Variants in MTSS2 observed in about 807,000 individuals in gnomAD.
The protein encoded by MTSS2 is protein MTSS 2.
Under a neutral mutation model 67.1 loss-of-function variants are expected in MTSS2, and 27 were observed. The observed-to-expected ratio is 0.40, with a 90% confidence interval of 0.30 to 0.55. The LOEUF (loss-of-function observed/expected upper bound fraction) is 0.55. MTSS2 is among the 20% of genes least tolerant of loss of function. The probability of loss-of-function intolerance (pLI) is 0.43; values close to 1 mark genes in which losing one functional copy is unlikely to be tolerated. For synonymous variants in MTSS2, 624 were observed against 468.6 expected (o/e 1.33, Z -4.28); for missense variants, 1,171 against 1,067.8 (o/e 1.10, Z -1.35).
chr16:70,680,254 C>T (rs2053261029), intron 3 of MTSS2, among the ~76,000 whole-genome samples, 199 bp from the exon 4 acceptor site: 1 of 152,112 alleles, frequency 6.6e-6, no homozygotes, highest in Admixed American at 6.5e-5. Flanking sequence ...ATCCCAGCCG[C>T]GCCAGCCTCC....
chr16:70,668,679 G>A (rs1444382893), intron 11 of MTSS2, among the ~76,000 whole-genome samples: 3 of 152,192 alleles, frequency 2.0e-5, no homozygotes, highest in Admixed American at 6.5e-5. Context: ...TAGATCATTA[G>A]GGTGGAGCCC....
At position 70,664,952 on chromosome 16, in the gene MTSS2, G is replaced by T. The variant is rs1296761016; in HGVS notation, c.1273C>A (p.Pro425Thr). 6.4e-7 allele frequency: 1 copy of T among 1,565,294 alleles called. No individual in the cohort carries two copies. The highest frequency in any genetic ancestry group is 1.9e-5 in the Admixed American group (1 of 53,376). Residue 425 changes from proline to threonine, a missense_variant, in exon 13 of 15, where the codon CCC becomes ACC. This residue lies in a region of MTSS2 where 924 missense variants were observed against 756.0 expected (regional missense o/e 1.22). Transcript: ENST00000338779. ...LGPSGEEAPR[P>T]RMSPATIAAK... ...GCGATGGTGGCAGGGGACATCCGGG[G>T]TCGCGGTGCCTCTTCCCCGCTGGGG... is the stretch of plus-strand genomic sequence containing the variant.
At chr16:70,666,719 A>G (rs1168629393) in intron 11 of MTSS2, among the ~76,000 whole-genome samples, 1 of 152,274 alleles carries the variant, frequency 6.6e-6, no homozygotes, top group Non-Finnish European at 1.5e-5. Context: ...TATGACGGTT[A>G]AAGTAAAAAA....
rs939579417 is a variant in MTSS2, at chr16:70,665,492, C to A, written c.1102G>T (p.Val368Phe). The change falls in exon 12 of 15, where the codon GTT (valine) becomes TTT (phenylalanine). Residue 368 changes from valine (V) to phenylalanine (F), a missense_variant. By Grantham distance (50) the Val-to-Phe change is conservative (BLOSUM62 -1). Transcript: ENST00000338779. ...SSEASETCQS[V>F]SECSSPTSDW... ...GAGGTGGGGGAGCTGCACTCGCTAA[C>A]GGACTGGCAGGTTTCCGAGGCCTCG... 17 of 1,556,814 alleles carry A rather than the reference C, an allele frequency of 1.1e-5. No individual in the cohort carries two copies. Among genetic ancestry groups the A allele is most frequent in the Non-Finnish European group, 1.5e-5 (17 of 1,151,032 alleles).
chr16:70,683,578 C>CTTTG (rs553417716), intron 1 of MTSS2, among the ~76,000 whole-genome samples: 120 of 152,362 alleles, frequency 7.9e-4, no homozygotes, highest in Non-Finnish European at 1.3e-3. Context: ...GAACTATGAC[C>CTTTG]TTTGGCAAGT....
chr16:70,673,906 C>T (rs914605890), intron 11 of MTSS2, among the ~76,000 whole-genome samples: 3 of 151,446 alleles, frequency 2.0e-5, no homozygotes, highest in African/African-American at 7.3e-5. Context: ...ATCCAGCAGA[C>T]GGGGAATAAG....
In MTSS2 at chr16:70,665,014, TCTC is replaced by T; in HGVS notation, c.1208_1210del (p.Arg403_Asp404delinsHis). 2 of 1,595,572 alleles carry T rather than the reference TCTC, an allele frequency of 1.3e-6. No homozygotes were observed. Among genetic ancestry groups the T allele is most frequent in the Non-Finnish European group, 1.7e-6 (2 of 1,178,920 alleles). On this transcript the variant is annotated inframe_deletion, in exon 13 of 15. Coordinates refer to ENST00000338779, the MANE Select transcript of MTSS2 (RefSeq NM_138383.3). ...CCCACTGGCAGGGCCTGGCTCTGTG[TCTC>T]GCAGGAGCTCCACTCGGTCCTTCCT...
At position 70,685,917 on chromosome 16, in the gene MTSS2, C is replaced by T. The variant is rs2053444434; in HGVS notation, c.-126G>A. 1 of 316,052 alleles carries T rather than the reference C, an allele frequency of 3.2e-6. No individual in the cohort carries two copies. Among genetic ancestry groups the T allele is most frequent in the Non-Finnish European group, 4.5e-6 (1 of 223,404 alleles). The allele number at this position is 316,052 out of a possible 1,614,324, so 19.6% of individuals were successfully genotyped here. A position where few individuals can be genotyped will look rare whatever the true frequency, so the allele number is the denominator to read the frequency against. The stretch of plus-strand genomic sequence containing the variant: ...GGCCGGGCCTCCCGCCTCCAGGCTG[C>T]GCTCAGCGGCCGGCCGCGCCGCGCT... On this transcript the variant is annotated 5_prime_UTR_variant, in exon 1 of 15. Transcript: ENST00000338779.
intron 11 of MTSS2, among the ~76,000 whole-genome samples, chr16:70,668,405 CAAAA>C (rs36009172): frequency 1.4e-5 from 2 of 140,988 alleles, no homozygotes; most frequent in African/African-American, 2.7e-5. Flanking sequence ...GAGACTGTAT[CAAAA>C]AAAAAAAAGA....
At chr16:70,665,336 G>A (rs2052672118) in intron 12 of MTSS2, 130 bp downstream of exon 12, 3 of 1,060,294 alleles carry the variant, frequency 2.8e-6, no homozygotes, top group Non-Finnish European at 4.0e-6. Flanking sequence ...TTGTCTCTTG[G>A]GGACAGGTGC....
intron 11 of MTSS2, among the ~76,000 whole-genome samples, chr16:70,667,778 C>A (rs2052771861): frequency 6.6e-6 from 1 of 151,966 alleles, no homozygotes; most frequent in Admixed American, 6.6e-5. Context: ...GAGGCTGAGG[C>A]ACGAGAATAG....
intron 11 of MTSS2, among the ~76,000 whole-genome samples, chr16:70,671,606 C>CA (rs2052939306): frequency 6.6e-6 from 1 of 152,078 alleles, no homozygotes; most frequent in African/African-American, 2.4e-5. Context: ...CCTATTTTAA[C>CA]AAGCAAGAAT....
At chr16:70,668,953 C>A (rs1284358167) in intron 11 of MTSS2, among the ~76,000 whole-genome samples, 1 of 151,892 alleles carries the variant, frequency 6.6e-6, no homozygotes, top group African/African-American at 2.4e-5. Context: ...TTTCAATACA[C>A]TGTTCTGGGT....
chr16:70,677,167 C>T (rs1348317938), intron 9 of MTSS2, among the ~76,000 whole-genome samples, 189 bp from the exon 10 acceptor site: 2 of 152,160 alleles, frequency 1.3e-5, no homozygotes, highest in Non-Finnish European at 2.9e-5. Flanking sequence ...TTCTCGGAGC[C>T]CCTTCAGCTA....
rs1011638414 is a variant in MTSS2, at chr16:70,686,041, C to G, written c.-250G>C. On this transcript the variant is annotated 5_prime_UTR_variant, in exon 1 of 15. Transcript: ENST00000338779. ...GCGCGGGCAGCTCGCGGCGCAGCCTCGGCGCGGGGACTGACGGCGGCGGTA... is the reference window on the plus strand; with the variant it reads ...GCGCGGGCAGCTCGCGGCGCAGCCTGGGCGCGGGGACTGACGGCGGCGGTA... The G allele has an allele frequency of 6.8e-6, 1 of 147,076 alleles. No individual in the cohort carries two copies. The allele number at this position is 147,076 out of a possible 1,614,324, so 9.1% of individuals were successfully genotyped here. A position where few individuals can be genotyped will look rare whatever the true frequency, so the allele number is the denominator to read the frequency against.
intron 12 of MTSS2, 27 bp downstream of exon 12, chr16:70,665,439 T>G: frequency 6.5e-7 from 1 of 1,545,014 alleles, no homozygotes; most frequent in Non-Finnish European, 8.7e-7. Context: ...CTGGTGACTG[T>G]CCTGGGGCCG....
intron 11 of MTSS2, among the ~76,000 whole-genome samples, chr16:70,667,875 A>G (rs551868503): frequency 1.3e-4 from 20 of 151,932 alleles, no homozygotes; most frequent in African/African-American, 4.8e-4. Flanking sequence ...TCTGCCTCAG[A>G]AAAAAAACCA....
chr16:70,679,960 C>G lies in MTSS2; in HGVS notation c.290+11G>C, dbSNP rs1159827232. The G allele has an allele frequency of 3.4e-6, 5 of 1,483,070 alleles. No individual in the cohort carries two copies. Among genetic ancestry groups the G allele is most frequent in the Admixed American group, 4.8e-5 (2 of 41,984 alleles). The allele number at this position is 1,483,070 out of a possible 1,614,324, so 91.9% of individuals were successfully genotyped here. ...CCCCCGCCCCCCTGCCCGCCCGCAG[C>G]GCCCACTCACTTGGTGAACTGCCGC... On this transcript the variant is annotated intron_variant, in intron 4 of 14. Transcript: ENST00000338779.
At chr16:70,667,694 G>A (rs1360375486) in intron 11 of MTSS2, among the ~76,000 whole-genome samples, 3 of 151,380 alleles carry the variant, frequency 2.0e-5, no homozygotes, top group Admixed American at 2.0e-4. Context: ...CCAACATGGT[G>A]AAACACTGTC....
Sources: gnomAD v4.1 joint callset for allele counts (sites outside exome capture counted in the v4.1 genomes callset) on GRCh38, gnomAD v4.1.1 for gene constraint, gnomAD v4.1.1 regional missense constraint, MANE v1.5 for transcripts, NCBI Gene and HGNC (gene_info 2026-07-23, HGNC 2026-07-21) for gene names.